The following SCAMP2 variants were observed in gnomAD, a reference collection of about 807,000 sequenced individuals.
SCAMP2 encodes secretory carrier-associated membrane protein 2.
In SCAMP2, 25 loss-of-function variants were observed where a neutral mutation model predicts 44.1. The ratio of observed to expected loss-of-function variants is 0.57; its 90% CI spans 0.41 to 0.79. The LOEUF (loss-of-function observed/expected upper bound fraction) is 0.79, where lower values mean the gene tolerates loss of function less well. Ranked by LOEUF, SCAMP2 falls within the 30% of genes least tolerant of loss-of-function variation. The pLI is 0.00. For synonymous variants in SCAMP2, 156 were observed against 166.0 expected, an observed-to-expected ratio of 0.94 and a Z score of 0.46; for missense variants, 355 against 411.0, an observed-to-expected ratio of 0.86 and a Z score of 1.18.
At chr15:74,860,866 CAAT>C (rs922218828) in intron 1 of SCAMP2, among the ~76,000 whole-genome samples, 2 of 149,404 alleles carry the variant, frequency 1.3e-5, no homozygotes, top group Non-Finnish European at 1.5e-5. Context: ...AAAAAATAAA[CAAT>C]AATAATAATA....
intron 1 of SCAMP2, among the ~76,000 whole-genome samples, chr15:74,866,970 C>T (rs1450206372): frequency 2.6e-5 from 4 of 151,948 alleles, no homozygotes; most frequent in East Asian, 1.9e-4. Context: ...CTAATTTTTG[C>T]ATTTTTAGTA....
chr15:74,853,140 G>A, intron 3 of SCAMP2: 1 of 300,666 alleles, frequency 3.3e-6, no homozygotes, highest in Non-Finnish European at 6.7e-6. Flanking sequence ...GGCGGAAGCA[G>A]GAGCAGAACT....
chr15:74,863,989 C>G (rs1313588947), intron 1 of SCAMP2, among the ~76,000 whole-genome samples: 1 of 152,146 alleles, frequency 6.6e-6, no homozygotes, highest in African/African-American at 2.4e-5. Flanking sequence ...TGAAAGAAAC[C>G]TAGCAAACAG....
chr15:74,861,298 G>A (rs2064501362), intron 1 of SCAMP2, among the ~76,000 whole-genome samples: 1 of 152,210 alleles, frequency 6.6e-6, no homozygotes. Context: ...ATGAGGCTGA[G>A]TGTCACAGAG....
At chr15:74,851,016 G>A (rs1189639834) in intron 5 of SCAMP2, among the ~76,000 whole-genome samples, 1 of 152,200 alleles carries the variant, frequency 6.6e-6, no homozygotes, top group African/African-American at 2.4e-5. Context: ...GCTGCAGGGG[G>A]AGTCTCCTTC....
chr15:74,864,801 T>C (rs1247880091), intron 1 of SCAMP2, among the ~76,000 whole-genome samples: 1 of 151,834 alleles, frequency 6.6e-6, no homozygotes, highest in Non-Finnish European at 1.5e-5. Flanking sequence ...AAGAATAGAG[T>C]TGAGGCCAGG....
Position 74,845,092 on chromosome 15 carries a change from C to T in SCAMP2, c.981G>A (p.Gln327=). Residue 327 remains glutamine (Q), a synonymous_variant, in exon 9 of 9, where the codon CAG becomes CAA. Coordinates refer to ENST00000268099, the MANE Select transcript of SCAMP2 (RefSeq NM_005697.5). The part of the protein sequence containing the change: ...AASSAAQGAF[Q]GN ...AGAGAAGAGAGGAGGACTAATTCCC[C>T]TGGAAGGCTCCTTGGGCAGCAGATG... is the stretch of plus-strand genomic sequence containing the variant. 1.2e-6 allele frequency: 2 copies of T among 1,613,574 alleles called. No individual in the cohort carries two copies. Among genetic ancestry groups the T allele is most frequent in the Non-Finnish European group, 1.7e-6 (2 of 1,179,652 alleles).
intron 8 of SCAMP2, 34 bp from the exon 9 acceptor site, chr15:74,845,251 C>A: frequency 6.2e-7 from 1 of 1,604,746 alleles, no homozygotes; most frequent in South Asian, 1.1e-5. Context: ...AGAAGCCTGT[C>A]CTTTGGGCCC....
rs778884177 is a variant in SCAMP2 at position 74,848,617 on chromosome 15, G to T, written c.717C>A (p.Ile239=). 10 of 1,610,292 alleles carry T rather than the reference G, an allele frequency of 6.2e-6. No homozygotes were observed. In the African/African-American group the frequency reaches 1.3e-4, roughly 21 times the overall value. The change falls in exon 7 of 9, where the codon ATC becomes ATA. Residue 239 remains isoleucine, a synonymous_variant. Transcript: ENST00000268099. Reference sequence around the variant, plus strand: ...GGTCTCACCTGTCCCCCAGGCCAGGGATGCCAACCAACTGGATGATGTAGA... The same window carrying T: ...GGTCTCACCTGTCCCCCAGGCCAGGTATGCCAACCAACTGGATGATGTAGA... The part of the protein sequence containing the change: ...IGIYIIQLVG[I]PGLGDSGWIA...
intron 1 of SCAMP2, among the ~76,000 whole-genome samples, chr15:74,865,900 G>A (rs949667841): frequency 1.4e-4 from 20 of 146,846 alleles, no homozygotes; most frequent in African/African-American, 3.3e-4. Context: ...GCAGTGAGCC[G>A]TGATTGTGCC....
intron 1 of SCAMP2, among the ~76,000 whole-genome samples, chr15:74,856,765 TAA>T (rs2064471697): frequency 6.6e-6 from 1 of 151,730 alleles, no homozygotes; most frequent in Non-Finnish European, 1.5e-5. Flanking sequence ...GGCTGATTTT[TAA>T]AGTTTTTTTG....
At chr15:74,860,861 A>G (rs1039283540) in intron 1 of SCAMP2, among the ~76,000 whole-genome samples, 12 of 151,384 alleles carry the variant, frequency 7.9e-5, no homozygotes, top group African/African-American at 2.7e-4. Flanking sequence ...TCTCAAAAAA[A>G]TAAACAATAA....
intron 1 of SCAMP2, among the ~76,000 whole-genome samples, chr15:74,856,498 C>T (rs1351662750): frequency 6.6e-6 from 1 of 151,708 alleles, no homozygotes; most frequent in South Asian, 2.1e-4. Flanking sequence ...TGGTCTTGAA[C>T]TCCTGGCCTC....
chr15:74,853,755 C>A, intron 3 of SCAMP2: 1 of 532,622 alleles, frequency 1.9e-6, no homozygotes. Context: ...GGACAAATGC[C>A]CTCTCTGGAG....
In SCAMP2 at chr15:74,851,363, A is replaced by G. The variant is rs1484514888; in HGVS notation, c.462T>C (p.Tyr154=). Residue 154 remains tyrosine, a synonymous_variant, in exon 5 of 9, where the codon TAT becomes TAC. Coordinates refer to ENST00000268099, the MANE Select transcript of SCAMP2 (RefSeq NM_005697.5). The stretch of plus-strand genomic sequence containing the variant: ...AGGAGTGGGACTCACACATCCACAG[A>G]TAGTAGAGCATCTTGCATATCCGCT... ...DYQRICKMLY[Y]LWMLHSVTLF... is the part of the protein sequence containing the mutation. 6.2e-7 allele frequency: 1 copy of G among 1,613,896 alleles called. No individual in the cohort carries two copies. The highest frequency in any genetic ancestry group is 1.1e-5 in the South Asian group (1 of 91,074).
intron 1 of SCAMP2, among the ~76,000 whole-genome samples, chr15:74,855,503 G>C (rs960912418): frequency 2.0e-5 from 3 of 152,006 alleles, no homozygotes; most frequent in Non-Finnish European, 4.4e-5. Flanking sequence ...GATCACCTGA[G>C]GTCGGGAGCT....
intron 1 of SCAMP2, among the ~76,000 whole-genome samples, chr15:74,870,766 A>T (rs2141183914): frequency 6.6e-6 from 1 of 152,326 alleles, no homozygotes; most frequent in Admixed American, 6.5e-5. Context: ...AGAAAGAAGC[A>T]AAACATTTTC....
rs959156321 is a variant in SCAMP2 at position 74,844,929 on chromosome 15, A to G, written c.*154T>C. On this transcript the variant is annotated 3_prime_UTR_variant, in exon 9 of 9. Transcript: ENST00000268099. ...AAAAATTCCCTGTCCCTCCCGTTCC[A>G]GGGAGAGCTGGTCGCTGAGGGAGGA... The G allele has an allele frequency of 2.5e-6, 2 of 813,558 alleles. No individual in the cohort carries two copies. Among genetic ancestry groups the G allele is most frequent in the African/African-American group, 1.7e-5 (1 of 58,014 alleles). The allele number at this position is 813,558 out of a possible 1,614,324, so 50.4% of individuals were successfully genotyped here.
intron 1 of SCAMP2, chr15:74,872,954 A>G: frequency 2.2e-6 from 1 of 461,530 alleles, no homozygotes; most frequent in Non-Finnish European, 3.8e-6. Context: ...AGCACAGCCC[A>G]GCCTCCGGGT....
Sources: allele counts gnomAD v4.1 joint callset (sites outside exome capture counted in the v4.1 genomes callset), GRCh38; gene constraint gnomAD v4.1.1; transcripts MANE v1.5; gene names NCBI Gene and HGNC (gene_info 2026-07-23, HGNC 2026-07-21).